The following PALM2AKAP2 variants were observed in gnomAD, a reference collection of about 807,000 sequenced individuals.
PALM2AKAP2 encodes the protein PALM2 and AKAP2 fusion, also known as PALM2-AKAP2 fusion protein.
Under a neutral mutation model 71.5 loss-of-function variants are expected in PALM2AKAP2, and 37 were observed. That is an observed-to-expected ratio of 0.52 (90% CI 0.40 to 0.68). PALM2AKAP2 has a LOEUF of 0.68. Among genes scored for constraint, PALM2AKAP2 ranks in the 30% least tolerant of loss-of-function variants. The pLI, the probability that PALM2AKAP2 is intolerant of heterozygous loss-of-function variation, is 0.00. For synonymous variants in PALM2AKAP2, 468 were observed against 478.8 expected, an observed-to-expected ratio of 0.98 and a Z score of 0.29; for missense variants, 1,224 against 1,191.8, an observed-to-expected ratio of 1.03 and a Z score of -0.40.
chr9:110,019,749 G>C (rs1833039524), intron 7 of PALM2AKAP2, among the ~76,000 whole-genome samples: 2 of 152,146 alleles, frequency 1.3e-5, no homozygotes, highest in Admixed American at 1.3e-4. Context: ...ACTACACATG[G>C]GCATAAAGAT....
At chr9:109,987,241 C>G (rs1410710571) in intron 6 of PALM2AKAP2, among the ~76,000 whole-genome samples, 1 of 152,160 alleles carries the variant, frequency 6.6e-6, no homozygotes, top group African/African-American at 2.4e-5. Context: ...AGTGACTCTT[C>G]TGCCTCAGCC....
At chr9:110,089,239 A>G (rs1240543762) in intron 1 of PALM2AKAP2, among the ~76,000 whole-genome samples, 3 of 152,200 alleles carry the variant, frequency 2.0e-5, no homozygotes, top group Non-Finnish European at 1.5e-5. Flanking sequence ...ATTTCAAAGA[A>G]CTGCCTCCTT....
chr9:110,121,082 G>T (rs1029940481), intron 1 of PALM2AKAP2, among the ~76,000 whole-genome samples: 1 of 152,124 alleles, frequency 6.6e-6, no homozygotes, highest in African/African-American at 2.4e-5. Context: ...CCAGGTCTGG[G>T]TGTTCTTTAA....
intron 6 of PALM2AKAP2, among the ~76,000 whole-genome samples, chr9:109,974,932 C>T (rs1832144645): frequency 6.6e-6 from 1 of 152,150 alleles, no homozygotes; most frequent in African/African-American, 2.4e-5. Context: ...GAGCCTCTGG[C>T]CAAATGTCAC....
chr9:109,733,895 TC>T (rs1215941252), intron 1 of PALM2AKAP2, among the ~76,000 whole-genome samples: 1 of 152,244 alleles, frequency 6.6e-6, no homozygotes, highest in South Asian at 2.1e-4. Flanking sequence ...GAGTTACATT[TC>T]TTTTGCACCA....
At chr9:110,095,844 G>A (rs1834823182) in intron 1 of PALM2AKAP2, among the ~76,000 whole-genome samples, 1 of 152,188 alleles carries the variant, frequency 6.6e-6, no homozygotes, top group Non-Finnish European at 1.5e-5. Flanking sequence ...CCTAGAGTGG[G>A]ACCATCTTGG....
At position 110,137,076 on chromosome 9, in the gene PALM2AKAP2, T is replaced by A. The variant is rs1297414133; in HGVS notation, c.1106T>A (p.Leu369Gln). 3 of 1,613,638 alleles carry A rather than the reference T, an allele frequency of 1.9e-6. No homozygotes were observed. In the African/African-American group the frequency reaches 4.0e-5, roughly 22 times the overall value. Residue 369 changes from leucine to glutamine, a missense_variant, in exon 2 of 4, where the codon CTG becomes CAG. Physicochemically the swap from Leu to Gln is moderately radical, Grantham distance 113 (BLOSUM62 -2). Coordinates refer to ENST00000374525, the Ensembl canonical transcript of PALM2AKAP2. ...AGGGCACAGCAGGAACAGTTGCTGC[T>A]GCAGAAGCAGTTACAGCAGCAGCAG...
chr9:110,055,170 G>GT (rs34263454), intron 1 of PALM2AKAP2, among the ~76,000 whole-genome samples: 49,471 of 147,622 alleles, frequency 0.34, 8,931 homozygotes, highest in Admixed American at 0.43. Flanking sequence ...TAGTTTTTTA[G>GT]TTTTTTTTTT....
chr9:110,058,415 C>G (rs1386929745), intron 1 of PALM2AKAP2, among the ~76,000 whole-genome samples: 1 of 152,124 alleles, frequency 6.6e-6, no homozygotes, highest in Non-Finnish European at 1.5e-5. Context: ...AGGCAACATT[C>G]CCTCCCATTC....
Position 110,063,541 on chromosome 9 carries a change from GT to G in PALM2AKAP2, c.156+14687del, listed in dbSNP as rs1441249934. On this transcript the variant is annotated intron_variant, in intron 1 of 3. Coordinates refer to ENST00000374525, the Ensembl canonical transcript of PALM2AKAP2. ...TGCAAACTCTGCCTCCCAGGTTCAA[GT>G]GATTCTCCTGCCTCAGCCTCCCAAG... Among the ~76,000 whole-genome samples the G allele has an allele frequency of 2.6e-5, 4 of 151,786 alleles. No individual in the cohort carries two copies. The East Asian group carries it at 7.8e-4, about 29-fold the overall frequency.
intron 3 of PALM2AKAP2, among the ~76,000 whole-genome samples, chr9:109,889,346 G>T (rs944808108): frequency 4.6e-5 from 7 of 152,150 alleles, no homozygotes; most frequent in African/African-American, 1.7e-4. Flanking sequence ...TCTTGAATTT[G>T]CAATGAACGT....
chr9:109,879,099 A>G (rs1254150545), intron 2 of PALM2AKAP2, among the ~76,000 whole-genome samples: 1 of 152,190 alleles, frequency 6.6e-6, no homozygotes, highest in African/African-American at 2.4e-5. Context: ...GCCGCATACA[A>G]ATGAGAGTCT....
chr9:109,691,647 A>G (rs1827885089), intron 1 of PALM2AKAP2, among the ~76,000 whole-genome samples: 1 of 151,090 alleles, frequency 6.6e-6, no homozygotes, highest in Non-Finnish European at 1.5e-5. Flanking sequence ...AACCAAAAAG[A>G]CTAAATTTAG....
intron 6 of PALM2AKAP2, among the ~76,000 whole-genome samples, chr9:110,002,022 A>T (rs1022282421): frequency 2.0e-5 from 3 of 152,092 alleles, no homozygotes; most frequent in African/African-American, 7.2e-5. Flanking sequence ...CTCCTTCCTG[A>T]TTGCCCTGGC....
At chr9:109,989,268 G>A (rs1305714967) in intron 6 of PALM2AKAP2, among the ~76,000 whole-genome samples, 1 of 152,192 alleles carries the variant, frequency 6.6e-6, no homozygotes, top group African/African-American at 2.4e-5. Flanking sequence ...GAACATCGAA[G>A]TGTGCCATCC....
At chr9:109,935,240 T>G (rs1349366086) in intron 6 of PALM2AKAP2, among the ~76,000 whole-genome samples, 1 of 152,252 alleles carries the variant, frequency 6.6e-6, no homozygotes, top group Non-Finnish European at 1.5e-5. Context: ...CTCACTTTGC[T>G]TCTCAGTTTA....
chr9:110,140,125 A>C (rs938894899), intron 2 of PALM2AKAP2, among the ~76,000 whole-genome samples: 1 of 152,196 alleles, frequency 6.6e-6, no homozygotes, highest in African/African-American at 2.4e-5. Context: ...CCCATTTCTT[A>C]TCAAACTTCA....
chr9:109,732,320 C>T (rs1016243819), intron 1 of PALM2AKAP2, among the ~76,000 whole-genome samples: 3 of 152,164 alleles, frequency 2.0e-5, no homozygotes, highest in South Asian at 4.1e-4. Context: ...GTCAAACAGT[C>T]TGAAAGCTCA....
chr9:110,122,637 C>T (rs1190797708), intron 1 of PALM2AKAP2, among the ~76,000 whole-genome samples: 1 of 152,152 alleles, frequency 6.6e-6, no homozygotes. Context: ...ATATTGGCTG[C>T]GTGATGATCA....
Sources: gnomAD v4.1 joint callset for allele counts (sites outside exome capture counted in the v4.1 genomes callset) on GRCh38, gnomAD v4.1.1 for gene constraint, MANE v1.5 for transcripts, NCBI Gene and HGNC (gene_info 2026-07-23, HGNC 2026-07-21) for gene names.